Variants in FRMPD4 observed in about 807,000 individuals in gnomAD.
The protein encoded by FRMPD4 is FERM and PDZ domain-containing protein 4.
Under a neutral mutation model 94.1 loss-of-function variants are expected in FRMPD4, and 22 were observed. The observed-to-expected ratio is 0.23, with a 90% CI of 0.17 to 0.33. The LOEUF (loss-of-function observed/expected upper bound fraction) is 0.33, where lower values mean the gene tolerates loss of function less well. Ranked by LOEUF, FRMPD4 falls within the 10% of genes least tolerant of loss-of-function variation. The pLI is 1.00. For synonymous variants in FRMPD4, 631 were observed against 548.6 expected, an observed-to-expected ratio of 1.15 and a Z score of -2.10; for missense variants, 1,111 against 1,339.9, an observed-to-expected ratio of 0.83 and a Z score of 2.67.
chrX:12,144,473 G>T (rs1336128599), intron 1 of FRMPD4, among the ~76,000 whole-genome samples: 1 of 109,217 alleles, frequency 9.2e-6, no homozygotes, highest in African/African-American at 3.3e-5. Context: ...GAGATGAGAA[G>T]GGTTTTCTGC....
chrX:11,844,138 C>T (rs1353136861), intron 1 of FRMPD4, among the ~76,000 whole-genome samples: 1 of 102,505 alleles, frequency 9.8e-6, no homozygotes, highest in Non-Finnish European at 2.0e-5. Context: ...CAGGCATGCG[C>T]CATCACACCC....
chrX:12,412,246 T>G, intron 1 of FRMPD4, among the ~76,000 whole-genome samples: 1 of 112,295 alleles, frequency 8.9e-6, no homozygotes, highest in Non-Finnish European at 1.9e-5. Context: ...CTTCTAAACC[T>G]TAGTTACTTC....
chrX:12,166,610 A>G (rs1198914673), intron 1 of FRMPD4, among the ~76,000 whole-genome samples: 1 of 111,674 alleles, frequency 9.0e-6, no homozygotes, highest in Admixed American at 9.5e-5. Flanking sequence ...TGATTGGAAT[A>G]GTTTCAGAAG....
chrX:12,173,471 A>T (rs1261322038), intron 1 of FRMPD4, among the ~76,000 whole-genome samples: 1 of 112,073 alleles, frequency 8.9e-6, no homozygotes, highest in Non-Finnish European at 1.9e-5. Context: ...GTTCAAATTC[A>T]AGGAGAGCCA....
At chrX:12,549,912 TA>T (rs1463936999) in intron 2 of FRMPD4, among the ~76,000 whole-genome samples, 2 of 112,319 alleles carry the variant, frequency 1.8e-5, no homozygotes, top group African/African-American at 6.5e-5. Flanking sequence ...TTGGACACCA[TA>T]ACAGTTTTTA....
chrX:11,958,821 C>T lies in FRMPD4; in HGVS notation c.95+80803C>T, dbSNP rs187928730. ...ACTTTAATATAGCTTTTCCCTCCAC[C>T]GCAAATTTGGAACTAATTCTCATGT... On this transcript the variant is annotated intron_variant, in intron 3 of 18. Transcript: ENST00000640291. Among the ~76,000 whole-genome samples the T allele has an allele frequency of 1.2e-3, 136 of 111,966 alleles. 1 individual carries two copies. The highest frequency in any genetic ancestry group is 4.6e-3 in the Middle Eastern group (1 of 217).
At chrX:11,912,120 T>C (rs985214673) in intron 3 of FRMPD4, among the ~76,000 whole-genome samples, 5 of 112,169 alleles carry the variant, frequency 4.5e-5, no homozygotes, top group Admixed American at 2.8e-4. Context: ...CCCTTAGTCT[T>C]TTCAATTGAA....
chrX:12,248,837 C>T (rs958442102), intron 1 of FRMPD4, among the ~76,000 whole-genome samples: 9 of 111,839 alleles, frequency 8.0e-5, no homozygotes, highest in African/African-American at 2.9e-4. Context: ...TCAGGAGTTC[C>T]AGACCAGCCT....
intron 1 of FRMPD4, among the ~76,000 whole-genome samples, chrX:12,460,185 G>A (rs771714745): frequency 9.0e-6 from 1 of 111,691 alleles, no homozygotes; most frequent in Non-Finnish European, 1.9e-5. Context: ...TATACTTCAC[G>A]TATATTTTCT....
chrX:12,348,771 A>T (rs764895429), intron 1 of FRMPD4, among the ~76,000 whole-genome samples: 33 of 111,864 alleles, frequency 3.0e-4, no homozygotes, highest in African/African-American at 1.1e-3. Context: ...AAACTTCTGT[A>T]AATTGAATAA....
At chrX:12,307,720 T>TA (rs201821427) in intron 1 of FRMPD4, among the ~76,000 whole-genome samples, 5,341 of 111,230 alleles carry the variant, frequency 0.048, 320 homozygotes, top group African/African-American at 0.17. Context: ...TGTCCTGCAA[T>TA]AAAAAAATAG....
chrX:12,519,431 A>G (rs1372018935), intron 2 of FRMPD4, among the ~76,000 whole-genome samples: 1 of 112,290 alleles, frequency 8.9e-6, no homozygotes, highest in African/African-American at 3.2e-5. Flanking sequence ...AGGCTGCCAA[A>G]CTGAAAAACT....
chrX:12,221,240 G>T (rs1314315124), intron 1 of FRMPD4, among the ~76,000 whole-genome samples: 1 of 112,076 alleles, frequency 8.9e-6, no homozygotes, highest in East Asian at 2.8e-4. Flanking sequence ...TGACTTTAAG[G>T]TTGTTACCAT....
chrX:11,849,837 A>T (rs1367663873), intron 1 of FRMPD4, among the ~76,000 whole-genome samples: 2 of 111,610 alleles, frequency 1.8e-5, no homozygotes, highest in Non-Finnish European at 3.8e-5. Context: ...TGAAGCAAAC[A>T]TAGGAGAAAA....
intron 3 of FRMPD4, among the ~76,000 whole-genome samples, chrX:12,077,585 C>A (rs183040216): frequency 4.1e-3 from 458 of 112,017 alleles, no homozygotes; most frequent in Non-Finnish European, 6.4e-3. Context: ...CCACTTAGGG[C>A]TGACCTGTCC....
At chrX:12,268,531 T>C (rs1454743802) in intron 1 of FRMPD4, among the ~76,000 whole-genome samples, 2 of 111,943 alleles carry the variant, frequency 1.8e-5, no homozygotes, top group Non-Finnish European at 3.8e-5. Context: ...ATTTTGAGGA[T>C]CAACTGGGCT....
intron 1 of FRMPD4, among the ~76,000 whole-genome samples, chrX:12,470,592 G>T (rs777427893): frequency 8.9e-6 from 1 of 112,120 alleles, no homozygotes; most frequent in Non-Finnish European, 1.9e-5. Flanking sequence ...TGAATTAGTT[G>T]TGTTTGTGAA....
In FRMPD4 at chrX:12,721,133, G is replaced by A. The variant is rs2042231682; in HGVS notation, c.4564G>A (p.Gly1522Arg). The change falls in exon 17 of 17, where the codon GGA becomes AGA. Residue 1522 changes from glycine to arginine, a missense_variant. Gly to Arg is a moderately radical substitution (Grantham distance 125). Around this residue, in one of 8 missense-constraint regions of FRMPD4, gnomAD observed 551 missense variants for 591.6 expected, o/e 0.93. Coordinates refer to ENST00000675598, the MANE Select transcript of FRMPD4 (RefSeq NM_001368397.1). ...AGATGGTGAGGAAGAAGAGGAGAGG[G>A]GAGAGGCCACCGTCCAGGTCTCTTG... is the stretch of plus-strand genomic sequence containing the variant. ...DEDGEEEEER[G>R]EATVQVSCLY... 4.0e-6 allele frequency: 3 copies of A among 754,488 alleles called. No homozygotes were observed. Among genetic ancestry groups the A allele is most frequent in the Non-Finnish European group, 4.7e-6 (3 of 639,391 alleles). 62.2% of individuals were successfully genotyped at this position (754,488 alleles called of 1,213,427 possible).
chrX:12,158,911 C>A (rs887134617), intron 1 of FRMPD4, among the ~76,000 whole-genome samples: 4 of 111,948 alleles, frequency 3.6e-5, no homozygotes, highest in Non-Finnish European at 7.5e-5. Flanking sequence ...TTTGTAAATT[C>A]ACTGTTATCT....
Sources: allele counts gnomAD v4.1 joint callset (sites outside exome capture counted in the v4.1 genomes callset), GRCh38; gene constraint gnomAD v4.1.1; regional missense constraint gnomAD v4.1.1; transcripts MANE v1.5; gene names NCBI Gene and HGNC (gene_info 2026-07-23, HGNC 2026-07-21).